The following STAU2 variants were observed in gnomAD, a reference collection of about 807,000 sequenced individuals.
STAU2 encodes double-stranded RNA-binding protein Staufen homolog 2.
Under a neutral mutation model 65.9 loss-of-function variants are expected in STAU2, and 20 were observed. That is an observed-to-expected ratio of 0.30 (90% CI 0.21 to 0.44). The LOEUF (loss-of-function observed/expected upper bound fraction) is 0.44. Ranked by LOEUF, STAU2 falls within the 20% of genes least tolerant of loss-of-function variation. The pLI is 1.00. For missense variants in STAU2, 558 were observed against 683.9 expected (o/e 0.82, Z 2.05); for synonymous variants, 232 against 233.9 (o/e 0.99, Z 0.07).
chr8:73,538,176 C>T (rs1417714690), intron 13 of STAU2, among the ~76,000 whole-genome samples: 2 of 152,142 alleles, frequency 1.3e-5, no homozygotes, highest in African/African-American at 4.8e-5. Flanking sequence ...AGTAGGAAAA[C>T]TGGCAAAATT....
At chr8:73,453,440 C>T (rs1035886540) in intron 13 of STAU2, among the ~76,000 whole-genome samples, 15 of 152,188 alleles carry the variant, frequency 9.9e-5, no homozygotes, top group Non-Finnish European at 1.5e-5. Flanking sequence ...GTAAGCATAT[C>T]TTCCCATTTC....
chr8:73,527,930 C>T (rs1805551419), intron 13 of STAU2: 1 of 323,788 alleles, frequency 3.1e-6, no homozygotes, highest in Non-Finnish European at 5.6e-6. Context: ...TTATTGAACC[C>T]CTCCAATATC....
intron 2 of STAU2, among the ~76,000 whole-genome samples, chr8:73,739,521 C>T (rs1470647642): frequency 6.6e-6 from 1 of 152,140 alleles, no homozygotes; most frequent in African/African-American, 2.4e-5. Context: ...CACATACATA[C>T]ACAAACACAC....
At chr8:73,698,494 C>G (rs1458727371) in intron 4 of STAU2, among the ~76,000 whole-genome samples, 1 of 152,020 alleles carries the variant, frequency 6.6e-6, no homozygotes, top group Non-Finnish European at 1.5e-5. Context: ...AGAGCAGACA[C>G]AGCTATACTC....
intron 13 of STAU2, among the ~76,000 whole-genome samples, chr8:73,441,931 GTATT>G (rs1299642706): frequency 6.6e-6 from 1 of 152,170 alleles, no homozygotes; most frequent in Admixed American, 6.5e-5. Context: ...TTTCTAGAAA[GTATT>G]TTTTTTAAAC....
At chr8:73,599,986 T>C (rs1324195972) in intron 10 of STAU2, among the ~76,000 whole-genome samples, 1 of 152,152 alleles carries the variant, frequency 6.6e-6, no homozygotes, top group African/African-American at 2.4e-5. Flanking sequence ...GCCAGGATAG[T>C]CTCGATCTCC....
chr8:73,429,413 C>CTTTTTTTTTTTTTT lies in STAU2; in HGVS notation c.1531-6725_1531-6712dup, dbSNP rs71561522. On this transcript the variant is annotated intron_variant, in intron 13 of 14. Coordinates refer to ENST00000524300, the MANE Select transcript of STAU2 (RefSeq NM_001164380.2). ...AACCAATCTATATTCTTGCTCAGGT[C>CTTTTTTTTTTTTTT]TTTTTTTTTTTTTTTTTTTTTTTTT... 1.7e-4 allele frequency among the ~76,000 whole-genome samples: 11 copies of CTTTTTTTTTTTTTT among 65,370 alleles called. 3 individuals are homozygous for CTTTTTTTTTTTTTT. The highest frequency in any genetic ancestry group is 3.2e-4 in the Non-Finnish European group (9 of 28,528). 42.9% of individuals were successfully genotyped at this position (65,370 alleles called of 152,430 possible). A position where few individuals can be genotyped will look rare whatever the true frequency, so the allele number is the denominator to read the frequency against.
At chr8:73,483,265 G>A (rs1271274652) in intron 13 of STAU2, among the ~76,000 whole-genome samples, 1 of 151,992 alleles carries the variant, frequency 6.6e-6, no homozygotes, top group East Asian at 1.9e-4. Context: ...AAACCAAAAA[G>A]CATGTCCACA....
intron 6 of STAU2, among the ~76,000 whole-genome samples, chr8:73,660,722 T>A (rs148309968): frequency 2.8e-4 from 42 of 152,248 alleles, no homozygotes; most frequent in African/African-American, 1.0e-3. Context: ...CATGTTTAAA[T>A]CCTAACTTAA....
At chr8:73,724,525 TATA>T (rs953503328) in intron 3 of STAU2, among the ~76,000 whole-genome samples, 6 of 152,134 alleles carry the variant, frequency 3.9e-5, no homozygotes, top group South Asian at 4.1e-4. Flanking sequence ...TTCAATAAAT[TATA>T]ATGAGATATT....
chr8:73,609,838 T>G (rs1467027429), intron 9 of STAU2, among the ~76,000 whole-genome samples: 1 of 152,192 alleles, frequency 6.6e-6, no homozygotes, highest in Non-Finnish European at 1.5e-5. Flanking sequence ...GGAATGTGTT[T>G]CCAGTGGCAT....
At chr8:73,645,607 C>A (rs967264745) in intron 6 of STAU2, among the ~76,000 whole-genome samples, 4 of 152,154 alleles carry the variant, frequency 2.6e-5, no homozygotes, top group African/African-American at 9.7e-5. Context: ...AGAAATGAAA[C>A]ACGTATTAGT....
chr8:73,452,090 A>C (rs1010614034), intron 13 of STAU2, among the ~76,000 whole-genome samples: 8 of 152,202 alleles, frequency 5.3e-5, no homozygotes, highest in Non-Finnish European at 8.8e-5. Context: ...GGTCTCTCAG[A>C]CAGGTGCCGC....
chr8:73,657,499 AAGG>A (rs1461329125), intron 6 of STAU2, among the ~76,000 whole-genome samples: 26 of 152,216 alleles, frequency 1.7e-4, no homozygotes, highest in Non-Finnish European at 2.9e-4. Flanking sequence ...ACAATGGTCG[AAGG>A]AGAATTCATA....
intron 13 of STAU2, among the ~76,000 whole-genome samples, chr8:73,476,492 T>C (rs1820333651): frequency 6.6e-6 from 1 of 152,246 alleles, no homozygotes; most frequent in Admixed American, 6.5e-5. Flanking sequence ...CCTTACTTTC[T>C]GTATTATGGG....
chr8:73,455,756 G>GT (rs953536684), intron 13 of STAU2, among the ~76,000 whole-genome samples: 9 of 151,994 alleles, frequency 5.9e-5, no homozygotes, highest in East Asian at 1.9e-4. Context: ...ATCTGTTATA[G>GT]TTTTTTTTAT....
At chr8:73,707,236 T>C (rs1378242500) in intron 4 of STAU2, among the ~76,000 whole-genome samples, 1 of 152,038 alleles carries the variant, frequency 6.6e-6, no homozygotes, top group Non-Finnish European at 1.5e-5. Context: ...AAAGGAATAG[T>C]AAAATGGTGG....
At chr8:73,699,860 C>CAAAAAAAAAAAA (rs201419278) in intron 4 of STAU2, among the ~76,000 whole-genome samples, 2 of 88,880 alleles carry the variant, frequency 2.3e-5, no homozygotes, top group African/African-American at 4.2e-5. Context: ...AAACACACAT[C>CAAAAAAAAAAAA]AAAAAAAAAA....
chr8:73,690,619 A>G (rs1819264774), intron 4 of STAU2, among the ~76,000 whole-genome samples: 1 of 152,226 alleles, frequency 6.6e-6, no homozygotes, highest in African/African-American at 2.4e-5. Flanking sequence ...TTTACTTTCA[A>G]ATTGTTCAAG....
Sources: allele counts gnomAD v4.1 joint callset (sites outside exome capture counted in the v4.1 genomes callset), GRCh38; gene constraint gnomAD v4.1.1; transcripts MANE v1.5; gene names NCBI Gene and HGNC (gene_info 2026-07-23, HGNC 2026-07-21).